Variants in FSTL4 observed in about 807,000 individuals in gnomAD.
The protein encoded by FSTL4 is follistatin like 4.
In FSTL4, 28 loss-of-function variants were observed where a neutral mutation model predicts 78.2. The observed-to-expected ratio is 0.36, with a 90% CI of 0.27 to 0.49. The LOEUF is 0.49. Ranked by LOEUF, FSTL4 falls within the 20% of genes least tolerant of loss-of-function variation. The pLI, the probability that FSTL4 is intolerant of heterozygous loss-of-function variation, is 0.98. For missense variants in FSTL4, 922 were observed against 1,084.9 expected (o/e 0.85, Z 2.11); for synonymous variants, 422 against 440.5 (o/e 0.96, Z 0.53).
At chr5:133,249,686 C>A in intron 6 of FSTL4, 110 bp from the exon 7 acceptor site, 1 of 747,076 alleles carries the variant, frequency 1.3e-6, no homozygotes, top group Non-Finnish European at 2.2e-6. Context: ...AGAAGGGCTT[C>A]ACGACTCCCT....
the FSTL4 span, among the ~76,000 whole-genome samples, chr5:133,821,595 A>G: frequency 1.3e-5 from 2 of 152,200 alleles, no homozygotes; most frequent in East Asian, 3.8e-4. Context: ...GTGTGTGCTC[A>G]GGGGTGAGAG....
chr5:133,529,193 G>C (rs1759199511), intron 3 of FSTL4, among the ~76,000 whole-genome samples: 3 of 152,190 alleles, frequency 2.0e-5, no homozygotes, highest in Admixed American at 2.0e-4. Flanking sequence ...TGAAATCATG[G>C]AGACTATTTG....
chr5:133,597,801 G>A (rs78948901), intron 2 of FSTL4, among the ~76,000 whole-genome samples: 14,990 of 152,158 alleles, frequency 0.099, 935 homozygotes, highest in African/African-American at 0.17. Context: ...CCCAAAACAG[G>A]CTGGCTGGGC....
At chr5:133,579,296 GA>G (rs1388766112) in intron 2 of FSTL4, among the ~76,000 whole-genome samples, 1 of 152,168 alleles carries the variant, frequency 6.6e-6, no homozygotes, top group Non-Finnish European at 1.5e-5. Context: ...TAAGAATATG[GA>G]GGTGAGTGCA....
chr5:133,740,581 T>C, the FSTL4 span, among the ~76,000 whole-genome samples: 2 of 152,170 alleles, frequency 1.3e-5, no homozygotes, highest in African/African-American at 4.8e-5. Flanking sequence ...GCTAATTTGA[T>C]TGGTGCTCTG....
the FSTL4 span, among the ~76,000 whole-genome samples, chr5:133,624,177 G>A: frequency 6.6e-6 from 1 of 151,914 alleles, no homozygotes; most frequent in Non-Finnish European, 1.5e-5. Context: ...ACTGACAACA[G>A]CTAAAAGGTA....
At chr5:133,245,937 G>C (rs991996085) in intron 7 of FSTL4, among the ~76,000 whole-genome samples, 1 of 152,206 alleles carries the variant, frequency 6.6e-6, no homozygotes, top group Non-Finnish European at 1.5e-5. Context: ...ATAGCTCTGT[G>C]ACTGAATTCA....
Position 133,332,128 on chromosome 5 carries a change from C to T in FSTL4, c.410-15476G>A, listed in dbSNP as rs1482665295. Reference sequence around the variant, plus strand: ...AACAGCAAACCAGGTGTGGGTCCTCCGAGCGCTCAGAAAGCCCTCCTCTTC... The same window carrying T: ...AACAGCAAACCAGGTGTGGGTCCTCTGAGCGCTCAGAAAGCCCTCCTCTTC... On this transcript the variant is annotated intron_variant, in intron 4 of 15. Transcript: ENST00000265342. Among the ~76,000 whole-genome samples, 4 of 152,178 alleles carry T rather than the reference C, an allele frequency of 2.6e-5. No homozygotes were observed. In the South Asian group the frequency reaches 8.3e-4, roughly 32 times the overall value.
intron 3 of FSTL4, among the ~76,000 whole-genome samples, chr5:133,527,666 C>G (rs776594967): frequency 6.6e-6 from 1 of 152,188 alleles, no homozygotes; most frequent in Non-Finnish European, 1.5e-5. Context: ...GAGTCATTCA[C>G]ATTATAGAAA....
At chr5:133,739,305 C>A in the FSTL4 span, among the ~76,000 whole-genome samples, 3 of 135,858 alleles carry the variant, frequency 2.2e-5, no homozygotes, top group Non-Finnish European at 1.6e-5. Context: ...TTTTTTTTAA[C>A]ACTAAGTGGT....
chr5:133,308,085 T>C (rs1481735308), intron 6 of FSTL4, among the ~76,000 whole-genome samples: 1 of 152,214 alleles, frequency 6.6e-6, no homozygotes, highest in South Asian at 2.1e-4. Flanking sequence ...CGGCCTTGTC[T>C]GCCAATTTTC....
chr5:133,681,089 A>C, the FSTL4 span, among the ~76,000 whole-genome samples: 1 of 152,218 alleles, frequency 6.6e-6, no homozygotes, highest in African/African-American at 2.4e-5. Context: ...TGTTCTAACG[A>C]GTGTGCAGTG....
the FSTL4 span, among the ~76,000 whole-genome samples, chr5:133,791,255 G>A: frequency 6.6e-6 from 1 of 150,718 alleles, no homozygotes; most frequent in Non-Finnish European, 1.5e-5. Flanking sequence ...TGGTGAAATT[G>A]CAACCTGCAT....
intron 2 of FSTL4, among the ~76,000 whole-genome samples, chr5:133,595,335 T>C (rs1404766959): frequency 6.6e-6 from 1 of 152,254 alleles, no homozygotes; most frequent in Admixed American, 6.5e-5. Flanking sequence ...GACTATCTCC[T>C]GGGATTTCTT....
chr5:133,706,651 A>G, the FSTL4 span, among the ~76,000 whole-genome samples: 1 of 152,218 alleles, frequency 6.6e-6, no homozygotes, highest in Admixed American at 6.5e-5. Flanking sequence ...TTTACTGTGC[A>G]AATTACAGAC....
intron 6 of FSTL4, among the ~76,000 whole-genome samples, chr5:133,280,599 G>C (rs1752987115): frequency 1.3e-5 from 2 of 152,110 alleles, no homozygotes; most frequent in Non-Finnish European, 2.9e-5. Flanking sequence ...CAACTGGGAG[G>C]CTCCCCTCAG....
the FSTL4 span, among the ~76,000 whole-genome samples, chr5:133,643,324 C>A: frequency 6.6e-6 from 1 of 152,170 alleles, no homozygotes; most frequent in Admixed American, 6.6e-5. Flanking sequence ...TTGCAATAAG[C>A]AAGTTTTTCA....
the FSTL4 span, among the ~76,000 whole-genome samples, chr5:133,764,561 A>G: frequency 6.6e-6 from 1 of 151,912 alleles, no homozygotes. Context: ...CCCCCAAAAC[A>G]ATGCACCTAA....
the FSTL4 span, among the ~76,000 whole-genome samples, chr5:133,730,884 C>G: frequency 6.6e-5 from 10 of 152,134 alleles, no homozygotes; most frequent in Admixed American, 6.5e-4. Flanking sequence ...GAAATACAAC[C>G]AAGAATGGGG....
Sources: gnomAD v4.1 joint callset for allele counts (sites outside exome capture counted in the v4.1 genomes callset) on GRCh38, gnomAD v4.1.1 for gene constraint, MANE v1.5 for transcripts, NCBI Gene and HGNC (gene_info 2026-07-23, HGNC 2026-07-21) for gene names.